Variants in CCDC60 observed in about 807,000 individuals in gnomAD.
The protein encoded by CCDC60 is coiled-coil domain containing 60, also known as coiled-coil domain-containing protein 60.
Under a neutral mutation model 63.5 loss-of-function variants are expected in CCDC60, and 54 were observed. The observed-to-expected ratio is 0.85, with a 90% CI of 0.68 to 1.07. CCDC60 has a LOEUF of 1.07. Ranked by LOEUF, CCDC60 falls within the 50% of genes least tolerant of loss-of-function variation. CCDC60 has a pLI of 0.00. For missense variants in CCDC60, 651 were observed against 684.3 expected (o/e 0.95, Z 0.54); for synonymous variants, 206 against 238.8 (o/e 0.86, Z 1.27).
intron 13 of CCDC60, among the ~76,000 whole-genome samples, chr12:119,532,409 T>C (rs1952873472): frequency 6.9e-6 from 1 of 144,966 alleles, no homozygotes. Flanking sequence ...TTATTATTAT[T>C]ATTATTATTA....
At chr12:119,413,127 C>G (rs1956635912) in intron 1 of CCDC60, among the ~76,000 whole-genome samples, 2 of 152,180 alleles carry the variant, frequency 1.3e-5, no homozygotes, top group Admixed American at 1.3e-4. Context: ...GACAGCTGGA[C>G]TGCTGGCCCC....
intron 2 of CCDC60, among the ~76,000 whole-genome samples, chr12:119,455,376 G>T (rs1383833567): frequency 6.6e-6 from 1 of 152,330 alleles, no homozygotes; most frequent in Admixed American, 6.5e-5. Context: ...TCACCATGTA[G>T]TGTGCTGAGT....
Position 119,505,308 on chromosome 12 carries a change from G to C in CCDC60, c.883+5G>C. The stretch of plus-strand genomic sequence containing the variant: ...ATGAAGAACCTCTGTATATGAGTAA[G>C]TCCTACCTGAGATCTGACTCATCTA... On this transcript the variant is annotated splice_donor_5th_base_variant and intron_variant, in intron 7 of 13. Transcript: ENST00000327554. 2.5e-6 allele frequency: 4 copies of C among 1,590,076 alleles called. No individual in the cohort carries two copies. The highest frequency in any genetic ancestry group is 3.4e-6 in the Non-Finnish European group (4 of 1,166,426).
At chr12:119,520,274 A>G in intron 9 of CCDC60, 82 bp downstream of exon 9, 1 of 1,158,338 alleles carries the variant, frequency 8.6e-7, no homozygotes, top group Non-Finnish European at 1.3e-6. Context: ...GCTCCTCCCC[A>G]GACCATGGAA....
chr12:119,381,854 A>G (rs919879422), intron 1 of CCDC60, among the ~76,000 whole-genome samples: 3 of 152,222 alleles, frequency 2.0e-5, no homozygotes, highest in African/African-American at 7.2e-5. Flanking sequence ...TCTACAATGG[A>G]AAGTTGAAGC....
intron 1 of CCDC60, among the ~76,000 whole-genome samples, chr12:119,344,804 C>T (rs1275779045): frequency 6.6e-6 from 1 of 150,852 alleles, no homozygotes; most frequent in African/African-American, 2.4e-5. Context: ...TCTTCTTCCT[C>T]CTCTTAGAAC....
chr12:119,517,377 C>T (rs1033224493), intron 8 of CCDC60, among the ~76,000 whole-genome samples: 7 of 152,108 alleles, frequency 4.6e-5, no homozygotes, highest in African/African-American at 1.7e-4. Context: ...TTATTCATTC[C>T]TCCTTTGAGT....
intron 5 of CCDC60, among the ~76,000 whole-genome samples, chr12:119,494,032 T>C (rs1234692622): frequency 6.6e-6 from 1 of 152,258 alleles, no homozygotes; most frequent in Non-Finnish European, 1.5e-5. Flanking sequence ...GTTTCTGTCA[T>C]GCTTTGCTAC....
chr12:119,481,600 T>C (rs1951319729), intron 4 of CCDC60, among the ~76,000 whole-genome samples: 2 of 151,868 alleles, frequency 1.3e-5, no homozygotes. Flanking sequence ...ACAGGAATCT[T>C]TTTTTTTAAT....
intron 3 of CCDC60, among the ~76,000 whole-genome samples, chr12:119,477,425 A>T (rs1951198964): frequency 6.6e-6 from 1 of 152,232 alleles, no homozygotes; most frequent in Non-Finnish European, 1.5e-5. Flanking sequence ...AGGCTATTAA[A>T]GCACTTTCTA....
At chr12:119,463,716 G>A (rs1950901028) in intron 2 of CCDC60, among the ~76,000 whole-genome samples, 1 of 152,250 alleles carries the variant, frequency 6.6e-6, no homozygotes, top group South Asian at 2.1e-4. Flanking sequence ...GTGTACACTG[G>A]AAACACTTGA....
At chr12:119,376,330 C>A (rs1372654393) in intron 1 of CCDC60, among the ~76,000 whole-genome samples, 1 of 152,134 alleles carries the variant, frequency 6.6e-6, no homozygotes, top group Admixed American at 6.6e-5. Context: ...TCCAATTAAC[C>A]AGAATGAAGA....
chr12:119,369,214 C>A (rs1270329868), intron 1 of CCDC60, among the ~76,000 whole-genome samples: 1 of 152,070 alleles, frequency 6.6e-6, no homozygotes, highest in Non-Finnish European at 1.5e-5. Context: ...TAAATCCAGG[C>A]CTGAGAAGTA....
chr12:119,384,292 A>G (rs1393452590), intron 1 of CCDC60, among the ~76,000 whole-genome samples: 1 of 152,228 alleles, frequency 6.6e-6, no homozygotes, highest in Non-Finnish European at 1.5e-5. Flanking sequence ...CTGCAAAATG[A>G]AAGATGCTTC....
At chr12:119,346,507 G>T (rs1417791845) in intron 1 of CCDC60, among the ~76,000 whole-genome samples, 1 of 152,080 alleles carries the variant, frequency 6.6e-6, no homozygotes. Context: ...CAGTAAGAAG[G>T]GGCAAGTATC....
intron 1 of CCDC60, among the ~76,000 whole-genome samples, chr12:119,372,998 T>C (rs1955913322): frequency 6.6e-6 from 1 of 152,154 alleles, no homozygotes; most frequent in Non-Finnish European, 1.5e-5. Context: ...ATATTAATAG[T>C]AAAAGTGGCA....
At chr12:119,409,404 T>C (rs1157356899) in intron 1 of CCDC60, among the ~76,000 whole-genome samples, 1 of 151,986 alleles carries the variant, frequency 6.6e-6, no homozygotes, top group South Asian at 2.1e-4. Context: ...CCCCAGCAAG[T>C]TGTGACAGCC....
intron 2 of CCDC60, among the ~76,000 whole-genome samples, chr12:119,470,632 C>T (rs1194275166): frequency 2.6e-5 from 4 of 152,296 alleles, no homozygotes; most frequent in East Asian, 1.9e-4. Flanking sequence ...TGGCAGCTGG[C>T]TGGGAATATT....
intron 1 of CCDC60, among the ~76,000 whole-genome samples, chr12:119,377,687 A>C (rs1955967053): frequency 6.6e-6 from 1 of 152,208 alleles, no homozygotes; most frequent in Non-Finnish European, 1.5e-5. Flanking sequence ...AAATGAAAAA[A>C]TTTGGAATCA....
Sources: gnomAD v4.1 joint callset for allele counts (sites outside exome capture counted in the v4.1 genomes callset) on GRCh38, gnomAD v4.1.1 for gene constraint, MANE v1.5 for transcripts, NCBI Gene and HGNC (gene_info 2026-07-23, HGNC 2026-07-21) for gene names.